The following CIP2A variants were observed in gnomAD, a reference collection of about 807,000 sequenced individuals.
CIP2A encodes cellular inhibitor of PP2A.
A neutral mutation model predicts 110.9 loss-of-function variants in CIP2A; 103 were observed. That is an observed-to-expected ratio of 0.93 (90% CI 0.79 to 1.09). The LOEUF (loss-of-function observed/expected upper bound fraction) is 1.09, where lower values mean the gene tolerates loss of function less well. CIP2A is among the 50% of genes least tolerant of loss of function. The pLI, the probability that CIP2A is intolerant of heterozygous loss-of-function variation, is 0.00. For synonymous variants in CIP2A, 381 were observed against 361.6 expected, an observed-to-expected ratio of 1.05 and a Z score of -0.61; for missense variants, 1,088 against 1,038.4, an observed-to-expected ratio of 1.05 and a Z score of -0.66.
intron 1 of CIP2A, among the ~76,000 whole-genome samples, chr3:108,587,939 C>T (rs904836385): frequency 6.6e-6 from 1 of 151,988 alleles, no homozygotes; most frequent in African/African-American, 2.4e-5. Context: ...ACGCCACGCC[C>T]AGGTAATTTT....
At chr3:108,576,859 G>T (rs563701488) in intron 7 of CIP2A, among the ~76,000 whole-genome samples, 2 of 152,144 alleles carry the variant, frequency 1.3e-5, no homozygotes, top group Non-Finnish European at 2.9e-5. Context: ...TGTGACTGAT[G>T]TATCCTAGAT....
intron 7 of CIP2A, 66 bp from the exon 8 acceptor site, chr3:108,576,412 T>A: frequency 1.2e-6 from 1 of 831,642 alleles, no homozygotes; most frequent in South Asian, 1.9e-5. Flanking sequence ...AAGGGATTTA[T>A]CTACAAGATA....
At chr3:108,574,276 AATATT>A (rs2107348321) in intron 8 of CIP2A, among the ~76,000 whole-genome samples, 1 of 152,228 alleles carries the variant, frequency 6.6e-6, no homozygotes, top group South Asian at 2.1e-4. Flanking sequence ...TAATTAATAA[AATATT>A]AATTTAAATT....
At chr3:108,559,341 G>A (rs570100269) in intron 16 of CIP2A, among the ~76,000 whole-genome samples, 1 of 152,212 alleles carries the variant, frequency 6.6e-6, no homozygotes, top group Admixed American at 6.6e-5. Flanking sequence ...TTCATTATTG[G>A]TTATGCTGAG....
At chr3:108,561,694 C>T (rs1938012071) in intron 13 of CIP2A, among the ~76,000 whole-genome samples, 3 of 152,078 alleles carry the variant, frequency 2.0e-5, no homozygotes, top group Admixed American at 2.0e-4. Context: ...AATACACACA[C>T]ACAAAAACCC....
At chr3:108,553,121 G>GTTTTTTTTTTTTTTT (rs768832281) in intron 19 of CIP2A, among the ~76,000 whole-genome samples, 1 of 67,170 alleles carries the variant, frequency 1.5e-5, no homozygotes, top group African/African-American at 5.6e-5. Flanking sequence ...CTTTCCTTTT[G>GTTTTTTTTTTTTTTT]TTTTTTTTTT....
intron 9 of CIP2A, among the ~76,000 whole-genome samples, chr3:108,569,165 G>T (rs2107337331): frequency 1.1e-3 from 1 of 916 alleles, no homozygotes; most frequent in African/African-American, 1.9e-3. Flanking sequence ...ACTGAAATGA[G>T]CACTATATAT....
intron 7 of CIP2A, among the ~76,000 whole-genome samples, chr3:108,576,912 G>A (rs1938673727): frequency 6.6e-6 from 1 of 152,140 alleles, no homozygotes; most frequent in South Asian, 2.1e-4. Context: ...GTCTGAAGAT[G>A]ACAGAAAGAG....
Position 108,560,635 on chromosome 3 carries a change from A to G in CIP2A, c.1827+14T>C. ...TAATATGTACCAGGTTATAATTGCTATTTTTTCACTCACCACCATTCCAGA... is the reference window on the plus strand; with the variant it reads ...TAATATGTACCAGGTTATAATTGCTGTTTTTTCACTCACCACCATTCCAGA... On this transcript the variant is annotated intron_variant, in intron 14 of 20. Transcript: ENST00000295746. 1 of 1,555,128 alleles carries G rather than the reference A, an allele frequency of 6.4e-7. No individual in the cohort carries two copies. The highest frequency in any genetic ancestry group is 8.8e-7 in the Non-Finnish European group (1 of 1,140,434).
At chr3:108,577,067 C>G (rs1174578223) in intron 7 of CIP2A, among the ~76,000 whole-genome samples, 1 of 152,080 alleles carries the variant, frequency 6.6e-6, no homozygotes, top group Non-Finnish European at 1.5e-5. Context: ...AGAAAGTATT[C>G]TAGTCTTCCA....
intron 1 of CIP2A, among the ~76,000 whole-genome samples, chr3:108,587,086 G>C (rs760757839): frequency 6.6e-6 from 1 of 152,290 alleles, no homozygotes; most frequent in East Asian, 1.9e-4. Flanking sequence ...CATATTGCTA[G>C]TGGGAAGATA....
chr3:108,562,356 G>A (rs1170583592), intron 13 of CIP2A, among the ~76,000 whole-genome samples: 1 of 152,136 alleles, frequency 6.6e-6, no homozygotes, highest in Non-Finnish European at 1.5e-5. Flanking sequence ...ATGAGTGGGT[G>A]TGGCCATATT....
intron 10 of CIP2A, among the ~76,000 whole-genome samples, chr3:108,566,958 T>C (rs7647769): frequency 0.036 from 5,537 of 151,936 alleles, 335 homozygotes; most frequent in African/African-American, 0.12. Flanking sequence ...TGTTTTGTCA[T>C]ATTTGTATAT....
chr3:108,577,469 T>C (rs767068873), intron 7 of CIP2A, among the ~76,000 whole-genome samples: 1 of 152,210 alleles, frequency 6.6e-6, no homozygotes, highest in African/African-American at 2.4e-5. Flanking sequence ...GAATTTGGTA[T>C]AAACATAGGT....
chr3:108,576,818 G>C (rs891272257), intron 7 of CIP2A, among the ~76,000 whole-genome samples: 4 of 152,162 alleles, frequency 2.6e-5, no homozygotes, highest in Admixed American at 6.6e-5. Context: ...AACTCCAAGA[G>C]GTACTGTGGG....
chr3:108,577,566 G>A (rs1421644853), intron 7 of CIP2A, among the ~76,000 whole-genome samples: 2 of 152,088 alleles, frequency 1.3e-5, no homozygotes, highest in Non-Finnish European at 2.9e-5. Flanking sequence ...CAAAGATAAG[G>A]TCATCTTCTG....
chr3:108,584,013 A>G (rs2107370769), intron 2 of CIP2A, among the ~76,000 whole-genome samples: 1 of 152,330 alleles, frequency 6.6e-6, no homozygotes, highest in East Asian at 1.9e-4. Context: ...CTGTTGGTGG[A>G]TGTTAGAAGT....
In CIP2A at chr3:108,552,358, G is replaced by A; in HGVS notation, c.2423C>T (p.Thr808Ile). 2.0e-6 allele frequency: 3 copies of A among 1,523,752 alleles called. No homozygotes were observed. The highest frequency in any genetic ancestry group is 2.7e-6 in the Non-Finnish European group (3 of 1,131,916). 94.4% of individuals were successfully genotyped at this position (1,523,752 alleles called of 1,614,324 possible). Residue 808 changes from threonine to isoleucine, a missense_variant, in exon 20 of 21, where the codon ACA (threonine) becomes ATA (isoleucine). Transcript: ENST00000295746. ...TTTAATCTTTTCTTCTTGTACTTTTGTTTTTTGATGCAAATCTTAAAAGAA... is the reference window on the plus strand; with the variant it reads ...TTTAATCTTTTCTTCTTGTACTTTTATTTTTTGATGCAAATCTTAAAAGAA... ...EHKLANLHQK[T>I]KVQEEKIKTL...
At chr3:108,571,709 T>C (rs754065166) in intron 8 of CIP2A, among the ~76,000 whole-genome samples, 8 of 152,166 alleles carry the variant, frequency 5.3e-5, no homozygotes, top group Admixed American at 1.3e-4. Flanking sequence ...TGGGTTATCA[T>C]TGTTAGCTAT....
Sources: allele counts gnomAD v4.1 joint callset (sites outside exome capture counted in the v4.1 genomes callset), GRCh38; gene constraint gnomAD v4.1.1; transcripts MANE v1.5; gene names NCBI Gene and HGNC (gene_info 2026-07-23, HGNC 2026-07-21).